Variants in FOXN3 observed in about 807,000 individuals in gnomAD.
FOXN3 encodes the protein forkhead box N3.
Under a neutral mutation model 38.4 loss-of-function variants are expected in FOXN3, and 7 were observed. The observed-to-expected ratio is 0.18, with a 90% confidence interval of 0.10 to 0.34. The LOEUF (loss-of-function observed/expected upper bound fraction) is 0.34. Among genes scored for constraint, FOXN3 ranks in the 10% least tolerant of loss-of-function variants. The pLI, the probability that FOXN3 is intolerant of heterozygous loss-of-function variation, is 1.00. For synonymous variants in FOXN3, 230 were observed against 242.2 expected (o/e 0.95, Z 0.47); for missense variants, 456 against 613.4 (o/e 0.74, Z 2.71).
At chr14:89,520,679 T>C (rs10141161) in intron 1 of FOXN3, among the ~76,000 whole-genome samples, 60,406 of 151,938 alleles carry the variant, frequency 0.4, 12,171 homozygotes, top group Non-Finnish European at 0.43. Context: ...TCAAACAAAT[T>C]AACATTTTTC....
At chr14:89,568,926 C>T (rs984673160) in intron 1 of FOXN3, among the ~76,000 whole-genome samples, 3 of 152,170 alleles carry the variant, frequency 2.0e-5, no homozygotes, top group Non-Finnish European at 2.9e-5. Context: ...CGCCATTGGC[C>T]GGGCACGGTG....
rs187121372 is a variant in FOXN3, at chr14:89,295,818, T to C, written c.681-14804A>G. 2.8e-4 allele frequency among the ~76,000 whole-genome samples: 41 copies of C among 148,558 alleles called. No homozygotes were observed. In the East Asian group the frequency reaches 6.6e-3, roughly 24 times the overall value. On this transcript the variant is annotated intron_variant, in intron 3 of 5. Coordinates refer to ENST00000557258, the MANE Select transcript of FOXN3 (RefSeq NM_005197.4). ...TCTTGCTATGTTTCCCAGGCTGCTC[T>C]TGAACTCCTAGGCTCAAGAGCTCCT...
intron 1 of FOXN3, among the ~76,000 whole-genome samples, chr14:89,438,293 A>G (rs1376277842): frequency 6.6e-6 from 1 of 152,254 alleles, no homozygotes; most frequent in Non-Finnish European, 1.5e-5. Flanking sequence ...CCTTCAGTAA[A>G]TAAGATGAGT....
chr14:89,539,528 C>A (rs56290060), intron 1 of FOXN3, among the ~76,000 whole-genome samples: 1 of 152,128 alleles, frequency 6.6e-6, no homozygotes, highest in Non-Finnish European at 1.5e-5. Flanking sequence ...TAAGTAGGGT[C>A]GATAACAAAA....
At chr14:89,499,935 C>T (rs540100890) in intron 1 of FOXN3, among the ~76,000 whole-genome samples, 3 of 152,056 alleles carry the variant, frequency 2.0e-5, no homozygotes, top group African/African-American at 7.2e-5. Context: ...CCGCAACCTC[C>T]GCATCTCGGG....
At chr14:89,177,462 A>C (rs1202027106) in intron 5 of FOXN3, among the ~76,000 whole-genome samples, 1 of 151,970 alleles carries the variant, frequency 6.6e-6, no homozygotes, top group Non-Finnish European at 1.5e-5. Context: ...TGTAGTGGAC[A>C]GAGATGAAGC....
intron 1 of FOXN3, among the ~76,000 whole-genome samples, chr14:89,415,378 TA>T (rs1270212771): frequency 6.6e-6 from 1 of 152,156 alleles, no homozygotes; most frequent in Non-Finnish European, 1.5e-5. Flanking sequence ...CCTTTTGTTT[TA>T]AACAAACACT....
At chr14:89,438,498 G>A (rs1892315542) in intron 1 of FOXN3, among the ~76,000 whole-genome samples, 1 of 152,148 alleles carries the variant, frequency 6.6e-6, no homozygotes, top group African/African-American at 2.4e-5. Flanking sequence ...GGAGGAATAA[G>A]AAAATTGAAA....
Position 89,412,030 on chromosome 14 carries a change from C to T in FOXN3, c.447G>A (p.Pro149=), listed in dbSNP as rs183597395. ...DIYNWILEHF[P]YFANAPTGWK... ...ACCCAGTAGGTGCATTTGCAAAATA[C>T]GGAAAATGTTCCAAGATCCAGTTGT... The change falls in exon 2 of 6, where the codon CCG becomes CCA. Residue 149 remains proline (P), a synonymous_variant. Coordinates refer to ENST00000557258, the MANE Select transcript of FOXN3 (RefSeq NM_005197.4). The surrounding 1 kb of genome is among the most constrained non-coding windows in gnomAD (Gnocchi z 4.7). 9.9e-6 allele frequency: 16 copies of T among 1,612,712 alleles called. No homozygotes were observed. Among genetic ancestry groups the T allele is most frequent in the East Asian group, 2.2e-5 (1 of 44,876 alleles).
chr14:89,615,662 C>G (rs553313567), intron 1 of FOXN3, among the ~76,000 whole-genome samples: 20 of 152,198 alleles, frequency 1.3e-4, no homozygotes, highest in Non-Finnish European at 2.8e-4. Context: ...AACACACTTG[C>G]AGATAAGAAA....
intron 1 of FOXN3, among the ~76,000 whole-genome samples, chr14:89,512,682 C>T (rs984950306): frequency 1.3e-5 from 2 of 152,244 alleles, no homozygotes; most frequent in Non-Finnish European, 2.9e-5. Flanking sequence ...AGAGCCCTAC[C>T]GCACAACTGC....
intron 1 of FOXN3, among the ~76,000 whole-genome samples, chr14:89,453,867 T>G (rs1892668372): frequency 6.6e-6 from 1 of 152,196 alleles, no homozygotes; most frequent in Non-Finnish European, 1.5e-5. Flanking sequence ...GACTGAGGTT[T>G]TGTGTCCCCC....
chr14:89,322,666 T>A (rs1275822046), intron 3 of FOXN3, among the ~76,000 whole-genome samples: 2 of 152,240 alleles, frequency 1.3e-5, no homozygotes, highest in African/African-American at 4.8e-5. Context: ...TGCAAGGAAC[T>A]GTCAGGGCAA....
At chr14:89,565,026 G>A (rs913897139) in intron 1 of FOXN3, among the ~76,000 whole-genome samples, 18 of 150,350 alleles carry the variant, frequency 1.2e-4, no homozygotes, top group African/African-American at 3.7e-4. Context: ...CCCAGGAGGC[G>A]GAGGTTGCAG....
chr14:89,441,050 C>G (rs1419525488), intron 1 of FOXN3, among the ~76,000 whole-genome samples: 1 of 152,072 alleles, frequency 6.6e-6, no homozygotes, highest in Non-Finnish European at 1.5e-5. Flanking sequence ...CAAAAGGAAC[C>G]CCTGAATTAA....
At chr14:89,316,441 G>A (rs1187624598) in intron 3 of FOXN3, among the ~76,000 whole-genome samples, 1 of 150,916 alleles carries the variant, frequency 6.6e-6, no homozygotes, top group Non-Finnish European at 1.5e-5. Flanking sequence ...CTGCAGCCTC[G>A]ACCTCCCAGG....
At chr14:89,324,447 T>TGC (rs1251229736) in intron 3 of FOXN3, among the ~76,000 whole-genome samples, 2 of 53,012 alleles carry the variant, frequency 3.8e-5, no homozygotes, top group African/African-American at 1.1e-4. Context: ...TGTGTGCGTG[T>TGC]GTGTGTGTGT....
chr14:89,205,997 TC>T (rs970059909), intron 4 of FOXN3, among the ~76,000 whole-genome samples: 11 of 152,052 alleles, frequency 7.2e-5, no homozygotes, highest in African/African-American at 2.7e-4. Flanking sequence ...GAGCTGCCCG[TC>T]CCCTCCACTA....
At chr14:89,284,106 C>A (rs1400344075) in intron 3 of FOXN3, among the ~76,000 whole-genome samples, 1 of 152,148 alleles carries the variant, frequency 6.6e-6, no homozygotes, top group Non-Finnish European at 1.5e-5. Context: ...TGACCTCAAG[C>A]GATCCACTCG....
Sources: allele counts gnomAD v4.1 joint callset (sites outside exome capture counted in the v4.1 genomes callset), GRCh38; gene constraint gnomAD v4.1.1; non-coding constraint Gnocchi (gnomAD v3.1); transcripts MANE v1.5; gene names NCBI Gene and HGNC (gene_info 2026-07-23, HGNC 2026-07-21).